LINGO2: variants seen among roughly 807,000 people sequenced by gnomAD.
LINGO2 encodes the protein leucine-rich repeat and immunoglobulin-like domain-containing nogo receptor-interacting protein 2.
LINGO2 carries 14 observed loss-of-function variants against 30.6 expected under a neutral mutation model. The observed-to-expected ratio is 0.46, with a 90% CI of 0.30 to 0.72. The LOEUF is 0.72. Ranked by LOEUF, LINGO2 falls within the 30% of genes least tolerant of loss-of-function variation. The pLI is 0.07. For synonymous variants in LINGO2, 317 were observed against 288.5 expected (o/e 1.10, Z -1.00); for missense variants, 729 against 751.7 (o/e 0.97, Z 0.35).
intron 5 of LINGO2, among the ~76,000 whole-genome samples, chr9:27,991,668 C>T (rs1474774839): frequency 1.3e-5 from 2 of 152,040 alleles, no homozygotes; most frequent in African/African-American, 4.8e-5. Context: ...AACATAGGGA[C>T]CGTATAACTT....
At chr9:28,657,145 T>C (rs1284385941) in intron 1 of LINGO2, among the ~76,000 whole-genome samples, 1 of 152,060 alleles carries the variant, frequency 6.6e-6, no homozygotes, top group Non-Finnish European at 1.5e-5. Flanking sequence ...AAGTGTTTTG[T>C]TTTGTTCGAG....
At chr9:28,490,802 T>C (rs894532446) in intron 1 of LINGO2, among the ~76,000 whole-genome samples, 1 of 152,154 alleles carries the variant, frequency 6.6e-6, no homozygotes, top group Admixed American at 6.6e-5. Context: ...TCGTAATCTA[T>C]CAAAACTACT....
chr9:28,373,237 T>C (rs1820973347), intron 2 of LINGO2, among the ~76,000 whole-genome samples: 1 of 152,190 alleles, frequency 6.6e-6, no homozygotes, highest in Non-Finnish European at 1.5e-5. Flanking sequence ...CATGATAAGA[T>C]TTTTGATAAA....
the LINGO2 span, among the ~76,000 whole-genome samples, chr9:28,912,092 C>T: frequency 6.6e-6 from 1 of 151,962 alleles, no homozygotes; most frequent in African/African-American, 2.4e-5. Context: ...ATCGGCCTGG[C>T]AACATGGCTT....
chr9:28,657,236 T>C (rs1242283076), intron 1 of LINGO2, among the ~76,000 whole-genome samples: 3 of 152,080 alleles, frequency 2.0e-5, no homozygotes, highest in Non-Finnish European at 4.4e-5. Context: ...TATAATTTAA[T>C]TGGCATCTAG....
chr9:29,149,993 A>G, the LINGO2 span, among the ~76,000 whole-genome samples: 1 of 152,192 alleles, frequency 6.6e-6, no homozygotes, highest in Admixed American at 6.5e-5. Flanking sequence ...GGCTTCCCCA[A>G]GGCCTAGGAG....
chr9:29,139,353 C>T, the LINGO2 span, among the ~76,000 whole-genome samples: 1 of 152,104 alleles, frequency 6.6e-6, no homozygotes, highest in Non-Finnish European at 1.5e-5. Context: ...GGATAGTAAG[C>T]ATAATTATTG....
At chr9:28,513,357 A>G (rs1820491253) in intron 1 of LINGO2, among the ~76,000 whole-genome samples, 1 of 152,232 alleles carries the variant, frequency 6.6e-6, no homozygotes, top group Non-Finnish European at 1.5e-5. Context: ...TCTTTTAAAT[A>G]ACATGTACTT....
At chr9:28,737,375 C>T in the LINGO2 span, among the ~76,000 whole-genome samples, 1 of 152,152 alleles carries the variant, frequency 6.6e-6, no homozygotes, top group Non-Finnish European at 1.5e-5. Context: ...TGGAGCCTTA[C>T]TCAGATTGCA....
intron 5 of LINGO2, among the ~76,000 whole-genome samples, chr9:27,960,724 C>A (rs1819802098): frequency 6.7e-6 from 1 of 148,652 alleles, no homozygotes; most frequent in South Asian, 2.1e-4. Context: ...GTCTCATAAT[C>A]TCTGCCTTTT....
intron 4 of LINGO2, among the ~76,000 whole-genome samples, chr9:28,053,895 A>G (rs1824793774): frequency 6.6e-6 from 1 of 152,138 alleles, no homozygotes; most frequent in Non-Finnish European, 1.5e-5. Flanking sequence ...ATCAATAGCT[A>G]GCCAAAGAAT....
chr9:28,585,897 T>A (rs1439500560), intron 1 of LINGO2, among the ~76,000 whole-genome samples: 1 of 151,984 alleles, frequency 6.6e-6, no homozygotes, highest in Admixed American at 6.6e-5. Context: ...CAGTTGTGGC[T>A]CTCCCACTAG....
intron 1 of LINGO2, among the ~76,000 whole-genome samples, chr9:28,503,593 A>C (rs753448667): frequency 3.3e-4 from 50 of 152,046 alleles, no homozygotes; most frequent in Non-Finnish European, 5.3e-4. Flanking sequence ...GTTATTTAGA[A>C]AACTTCAGTT....
intron 3 of LINGO2, among the ~76,000 whole-genome samples, chr9:28,310,655 G>A (rs998102890): frequency 5.3e-5 from 8 of 152,094 alleles, no homozygotes; most frequent in Non-Finnish European, 1.5e-5. Context: ...CTGCAGTGAT[G>A]GTTTCATGGG....
the LINGO2 span, among the ~76,000 whole-genome samples, chr9:29,127,507 G>A: frequency 6.6e-6 from 1 of 152,110 alleles, no homozygotes; most frequent in Admixed American, 6.6e-5. Flanking sequence ...CCTAAACATG[G>A]AGGCTACTGC....
intron 5 of LINGO2, among the ~76,000 whole-genome samples, chr9:27,956,977 CCT>C (rs1435760401): frequency 2.0e-5 from 3 of 152,038 alleles, no homozygotes; most frequent in Non-Finnish European, 4.4e-5. Flanking sequence ...CATCTGTATT[CCT>C]AGCTACTCAG....
chr9:28,352,517 G>A (rs1819946921), intron 3 of LINGO2, among the ~76,000 whole-genome samples: 2 of 129,360 alleles, frequency 1.5e-5, no homozygotes, highest in African/African-American at 6.0e-5. Context: ...CAAAGAAATG[G>A]AAGAACATTC....
At chr9:28,496,711 C>T (rs1202251755) in intron 1 of LINGO2, among the ~76,000 whole-genome samples, 2 of 152,184 alleles carry the variant, frequency 1.3e-5, no homozygotes, top group African/African-American at 4.8e-5. Context: ...ATGATGTTAG[C>T]TGGTTATTTT....
intron 4 of LINGO2, among the ~76,000 whole-genome samples, chr9:28,293,448 T>G (rs779065185): frequency 6.6e-6 from 1 of 152,176 alleles, no homozygotes; most frequent in Non-Finnish European, 1.5e-5. Flanking sequence ...CCCTTTGATA[T>G]ACACAATCAA....
Sources: allele counts gnomAD v4.1 joint callset (sites outside exome capture counted in the v4.1 genomes callset), GRCh38; gene constraint gnomAD v4.1.1; transcripts MANE v1.5; gene names NCBI Gene and HGNC (gene_info 2026-07-23, HGNC 2026-07-21).